CENPV: variants seen among roughly 807,000 people sequenced by gnomAD.
The protein encoded by CENPV is nuclear protein p30.
CENPV carries 15 observed loss-of-function variants against 26.4 expected under a neutral mutation model. The ratio of observed to expected loss-of-function variants is 0.57; its 90% CI spans 0.38 to 0.88. CENPV has a LOEUF of 0.88. Ranked by LOEUF, CENPV falls within the 40% of genes least tolerant of loss-of-function variation. CENPV has a pLI of 0.00. For missense variants in CENPV, 336 were observed against 376.5 expected (o/e 0.89, Z 0.89); for synonymous variants, 172 against 165.5 (o/e 1.04, Z -0.30).
At position 16,343,845 on chromosome 17, in the gene CENPV, G is replaced by C. The variant is rs1348557311; in HGVS notation, c.694+752C>G. 2.0e-5 allele frequency among the ~76,000 whole-genome samples: 3 copies of C among 151,850 alleles called. No homozygotes were observed. In the South Asian group the frequency reaches 6.3e-4, roughly 32 times the overall value. On this transcript the variant is annotated intron_variant, in intron 4 of 4. Transcript: ENST00000299736. ...CATAGCTGCTCTCGCAGCTCTGGAG[G>C]CTGCACTGACACAACAAGAGTCCTC...
intron 3 of CENPV, chr17:16,347,681 C>T (rs958047989): frequency 1.4e-5 from 2 of 138,346 alleles, no homozygotes; most frequent in African/African-American, 5.4e-5. Flanking sequence ...CAGAAAAAAA[C>T]GGGACTCAAC....
intron 4 of CENPV, among the ~76,000 whole-genome samples, chr17:16,343,770 C>A (rs1249193948): frequency 2.6e-5 from 4 of 151,608 alleles, no homozygotes; most frequent in South Asian, 2.1e-4. Context: ...CTGCCTCCCC[C>A]ACCTCCCCTG....
rs1857383698 is a variant in CENPV at position 16,344,669 on chromosome 17, C to T, written c.622G>A (p.Ala208Thr). 6.2e-7 allele frequency: 1 copy of T among 1,600,156 alleles called. No individual in the cohort carries two copies. Among genetic ancestry groups the T allele is most frequent in the African/African-American group, 1.4e-5 (1 of 73,858 alleles). Reference protein sequence around the residue: ...ITTYTFNTHKAQHTFCKRCGV... With the variant: ...ITTYTFNTHKTQHTFCKRCGV... ...CATCTCTTACAGAAGGTATGCTGGGCTTTGTGAGTATTGAACGTGTAAGTC... is the reference window on the plus strand; with the variant it reads ...CATCTCTTACAGAAGGTATGCTGGGTTTTGTGAGTATTGAACGTGTAAGTC... Residue 208 changes from alanine to threonine, a missense_variant, in exon 4 of 5, where the codon GCC becomes ACC. Physicochemically the swap from Ala to Thr is moderately conservative, Grantham distance 58. Coordinates refer to ENST00000299736, the MANE Select transcript of CENPV (RefSeq NM_181716.3).
rs1164529625 is a variant in CENPV at position 16,353,367 on chromosome 17, G to GGGCCGCGGA, written c.61_69dup (p.Ser21_Ala23dup). The GGGCCGCGGA allele has an allele frequency of 3.9e-6, 3 of 769,696 alleles. No individual in the cohort carries two copies. The highest frequency in any genetic ancestry group is 5.1e-6 in the Non-Finnish European group (3 of 586,584). 47.7% of individuals were successfully genotyped at this position (769,696 alleles called of 1,614,324 possible). On this transcript the variant is annotated inframe_insertion, in exon 1 of 5. Coordinates refer to ENST00000299736, the MANE Select transcript of CENPV (RefSeq NM_181716.3). ...AAGGCAGCGGCCGCGGAGGCCGCGG[G>GGGCCGCGGA]GGCCGCGGAGGCCCCGGACCGCTTC...
chr17:16,352,096 T>C (rs1304965347), intron 1 of CENPV, among the ~76,000 whole-genome samples: 1 of 152,182 alleles, frequency 6.6e-6, no homozygotes, highest in African/African-American at 2.4e-5. Flanking sequence ...AATTCTCAGG[T>C]TATGCAATTG....
intron 4 of CENPV, 151 bp downstream of exon 4, chr17:16,344,446 G>T: frequency 2.5e-6 from 1 of 402,874 alleles, no homozygotes. Context: ...TCTATCATGT[G>T]GAAAGCGCTC....
rs77598151 is a variant in CENPV at position 16,343,034 on chromosome 17, T to C, written c.695-93A>G. 2,943 of 1,415,674 alleles carry C rather than the reference T, an allele frequency of 2.1e-3. 48 individuals are homozygous for C. In the African/African-American group the frequency reaches 0.036, roughly 17 times the overall value. The allele number at this position is 1,415,674 out of a possible 1,614,324, so 87.7% of individuals were successfully genotyped here. A position where few individuals can be genotyped will look rare whatever the true frequency, so the allele number is the denominator to read the frequency against. ...CTGGATAAGCCCCCACCTGCAGGCATCATCACGCTACACATTAGGGCTTCC... is the reference window on the plus strand; with the variant it reads ...CTGGATAAGCCCCCACCTGCAGGCACCATCACGCTACACATTAGGGCTTCC... On this transcript the variant is annotated intron_variant, in intron 4 of 4. Coordinates refer to ENST00000299736, the MANE Select transcript of CENPV (RefSeq NM_181716.3).
At chr17:16,347,216 G>A (rs2093210721) in intron 3 of CENPV, among the ~76,000 whole-genome samples, 1 of 152,146 alleles carries the variant, frequency 6.6e-6, no homozygotes, top group Non-Finnish European at 1.5e-5. Flanking sequence ...CTTACCTTTA[G>A]GGAGAGAAAT....
chr17:16,349,181 C>T (rs944448300), intron 2 of CENPV: 1 of 989,504 alleles, frequency 1.0e-6, no homozygotes, highest in African/African-American at 1.7e-5. Context: ...TTCAGGCCAC[C>T]TTTGAAAAAG....
rs2093187036 is a variant in CENPV at position 16,342,570 on chromosome 17, A to C, written c.*247T>G. The C allele has an allele frequency of 1.9e-6, 1 of 534,572 alleles. No homozygotes were observed. The highest frequency in any genetic ancestry group is 1.9e-5 in the African/African-American group (1 of 52,918). 33.1% of individuals were successfully genotyped at this position (534,572 alleles called of 1,614,324 possible). On this transcript the variant is annotated 3_prime_UTR_variant, in exon 5 of 5. Transcript: ENST00000299736. ...TAAAAATATTTATTTTTTTTCCTAA[A>C]AGATCACACAAAAGTTGGGAAGAGA...
At chr17:16,347,950 A>G (rs2093214278) in intron 3 of CENPV, 1 of 152,244 alleles carries the variant, frequency 6.6e-6, no homozygotes, top group Non-Finnish European at 1.5e-5. Context: ...ATTCTACTTA[A>G]TAAACATAAG....
chr17:16,348,930 A>G (rs760933806), intron 2 of CENPV: 20 of 1,281,980 alleles, frequency 1.6e-5, no homozygotes, highest in Admixed American at 3.2e-5. Flanking sequence ...ACCAACAGAC[A>G]GGTCTGTACT....
intron 2 of CENPV, chr17:16,349,343 A>C (rs2093220107): frequency 9.1e-6 from 9 of 985,776 alleles, no homozygotes; most frequent in Non-Finnish European, 9.6e-6. Flanking sequence ...CCTAGGGGCA[A>C]AAAGGACTGG....
At position 16,342,864 on chromosome 17, in the gene CENPV, T is replaced by A; in HGVS notation, c.772A>T (p.Lys258Ter). Residue 258 changes from lysine to a stop codon, truncating the protein, a stop_gained, in exon 5 of 5, where the codon AAG becomes TAG. Coordinates refer to ENST00000299736, the MANE Select transcript of CENPV (RefSeq NM_181716.3). LOFTEE classifies it high-confidence loss of function. ...TEEFNGSDWE[K>*]AMKEHKTIKN... Reference sequence around the variant, plus strand: ...ATGGTCTTGTGCTCTTTCATGGCCTTCTCCCAATCGCTGCCATTGAATTCC... The same window carrying A: ...ATGGTCTTGTGCTCTTTCATGGCCTACTCCCAATCGCTGCCATTGAATTCC... 6.2e-7 allele frequency: 1 copy of A among 1,614,052 alleles called. No homozygotes were observed. Among genetic ancestry groups the A allele is most frequent in the Non-Finnish European group, 8.5e-7 (1 of 1,180,014 alleles).
chr17:16,344,038 C>T (rs1164711504), intron 4 of CENPV, among the ~76,000 whole-genome samples: 1 of 152,048 alleles, frequency 6.6e-6, no homozygotes, highest in Non-Finnish European at 1.5e-5. Flanking sequence ...AACAGAGATA[C>T]GGTTTTGCTA....
intron 3 of CENPV, among the ~76,000 whole-genome samples, chr17:16,345,800 C>G (rs577602148): frequency 2.0e-5 from 3 of 152,230 alleles, no homozygotes; most frequent in African/African-American, 4.8e-5. Context: ...TGTGGAGAGA[C>G]AGTTCACCCA....
At chr17:16,350,208 T>C (rs936078407) in intron 1 of CENPV, among the ~76,000 whole-genome samples, 179 bp from the exon 2 acceptor site, 2 of 152,250 alleles carry the variant, frequency 1.3e-5, no homozygotes, top group Non-Finnish European at 2.9e-5. Flanking sequence ...TTTCAGCACC[T>C]TCTTTGTCCA....
At chr17:16,351,592 T>C (rs2093229398) in intron 1 of CENPV, 1 of 152,222 alleles carries the variant, frequency 6.6e-6, no homozygotes, top group Non-Finnish European at 1.5e-5. Context: ...CAGTTAATTA[T>C]TTGTTATATA....
Position 16,348,697 on chromosome 17 carries a change from CAG to C in CENPV, c.510-14_510-13del, listed in dbSNP as rs1568867532. 1.4e-5 allele frequency: 22 copies of C among 1,613,672 alleles called. No individual in the cohort carries two copies. The highest frequency in any genetic ancestry group is 2.2e-5 in the East Asian group (1 of 44,862). On this transcript the variant is annotated splice_polypyrimidine_tract_variant and intron_variant, in intron 2 of 4. Transcript: ENST00000299736. Reference sequence around the variant, plus strand: ...TGCAAATGCTGCAACTACAGAAAGACAGAGCAAATTCCAGATTGTGAGCAGCC... The same window carrying C: ...TGCAAATGCTGCAACTACAGAAAGACAGCAAATTCCAGATTGTGAGCAGCC...
Sources: gnomAD v4.1 joint callset for allele counts (sites outside exome capture counted in the v4.1 genomes callset) on GRCh38, gnomAD v4.1.1 for gene constraint, MANE v1.5 for transcripts, NCBI Gene and HGNC (gene_info 2026-07-23, HGNC 2026-07-21) for gene names.